Variants in USP34 observed in about 807,000 individuals in gnomAD.
USP34 encodes the protein ubiquitin carboxyl-terminal hydrolase 34.
In USP34, 70 loss-of-function variants were observed where a neutral mutation model predicts 460.3. The observed-to-expected ratio is 0.15, with a 90% CI of 0.13 to 0.19. The LOEUF (loss-of-function observed/expected upper bound fraction) is 0.19. Ranked by LOEUF, USP34 falls within the 10% of genes least tolerant of loss-of-function variation. USP34 has a pLI of 1.00. For synonymous variants in USP34, 1,647 were observed against 1,405.3 expected (o/e 1.17, Z -3.85); for missense variants, 3,985 against 4,236.2 (o/e 0.94, Z 1.65).
intron 69 of USP34, 141 bp downstream of exon 69, chr2:61,211,631 A>T: frequency 2.4e-5 from 21 of 885,082 alleles, no homozygotes; most frequent in Non-Finnish European, 3.3e-5. Context: ...GTTTAAAAGT[A>T]GTTCATGAAC....
chr2:61,418,000 C>T (rs1694248563), intron 2 of USP34, among the ~76,000 whole-genome samples: 2 of 151,810 alleles, frequency 1.3e-5, no homozygotes, highest in African/African-American at 4.8e-5. Context: ...CTGGGCCTCC[C>T]AAAGTGCTGG....
intron 66 of USP34, 97 bp downstream of exon 66, chr2:61,221,405 G>T: frequency 2.7e-6 from 3 of 1,097,400 alleles, no homozygotes; most frequent in Non-Finnish European, 3.9e-6. Context: ...ACCATCTTGG[G>T]GTAATAAGAA....
intron 62 of USP34, among the ~76,000 whole-genome samples, chr2:61,223,936 C>G (rs1205997209): frequency 2.6e-5 from 4 of 152,194 alleles, no homozygotes; most frequent in Admixed American, 2.6e-4. Context: ...AGTCTTGTTT[C>G]ATTTGAACCC....
intron 7 of USP34, among the ~76,000 whole-genome samples, chr2:61,379,217 C>T (rs746147346): frequency 1.3e-5 from 2 of 152,064 alleles, no homozygotes; most frequent in Non-Finnish European, 2.9e-5. Flanking sequence ...CAAAACAAAA[C>T]AAAACAAAAA....
intron 3 of USP34, among the ~76,000 whole-genome samples, chr2:61,395,763 G>A (rs970028574): frequency 8.2e-6 from 1 of 122,120 alleles, no homozygotes; most frequent in Non-Finnish European, 1.6e-5. Context: ...TCCCGCCTGG[G>A]CGACAGAACG....
At chr2:61,282,509 T>G (rs1689564354) in intron 37 of USP34, among the ~76,000 whole-genome samples, 1 of 152,184 alleles carries the variant, frequency 6.6e-6, no homozygotes, top group Non-Finnish European at 1.5e-5. Context: ...AAACACAGGC[T>G]GGGTGCAGCG....
At chr2:61,369,913 A>T (rs1166127341) in intron 10 of USP34, among the ~76,000 whole-genome samples, 1 of 151,790 alleles carries the variant, frequency 6.6e-6, no homozygotes, top group Non-Finnish European at 1.5e-5. Context: ...ATGGGGCAGA[A>T]AGGAAAAACA....
chr2:61,210,928 AG>A (rs992992294), intron 69 of USP34, among the ~76,000 whole-genome samples: 2 of 152,216 alleles, frequency 1.3e-5, no homozygotes, highest in African/African-American at 4.8e-5. Flanking sequence ...TATGTTGCCC[AG>A]GCTGCTCTAA....
intron 41 of USP34, 74 bp downstream of exon 41, chr2:61,278,091 G>T: frequency 1.3e-6 from 2 of 1,550,864 alleles, no homozygotes. Flanking sequence ...GTGTAAAAAC[G>T]GACTAATACA....
rs780958174 is a variant in USP34 at position 61,214,321 on chromosome 2, A to G, written c.8421T>C (p.Asn2807=). 3.7e-6 allele frequency: 6 copies of G among 1,614,270 alleles called. No individual in the cohort carries two copies. The South Asian group carries it at 6.6e-5, about 18-fold the overall frequency. Reference sequence around the variant, plus strand: ...TATTCTCTGGACAGTCAGCACAGACATTGTACCAAAATGAAAGCAAAGCCT... The same window carrying G: ...TATTCTCTGGACAGTCAGCACAGACGTTGTACCAAAATGAAAGCAAAGCCT... The part of the protein sequence containing the change: ...NKQALLSFWY[N]VCADCPENIR... Residue 2807 remains asparagine (N), a synonymous_variant, in exon 68 of 80, where the codon AAT becomes AAC. Transcript: ENST00000398571.
intron 3 of USP34, among the ~76,000 whole-genome samples, chr2:61,400,034 AT>A (rs969127914): frequency 4.0e-5 from 6 of 151,722 alleles, no homozygotes; most frequent in African/African-American, 1.2e-4. Context: ...ATCCCATCCT[AT>A]TTATAGCAGA....
At chr2:61,378,486 C>T in intron 7 of USP34, 62 bp from the exon 8 acceptor site, 1 of 1,008,584 alleles carries the variant, frequency 9.9e-7, no homozygotes, top group Non-Finnish European at 1.5e-6. Flanking sequence ...CATTTGTCAG[C>T]AAATACTAAC....
intron 27 of USP34, among the ~76,000 whole-genome samples, chr2:61,310,342 T>C (rs1018665792): frequency 6.6e-6 from 1 of 152,118 alleles, no homozygotes; most frequent in African/African-American, 2.4e-5. Context: ...ACAATCTAAA[T>C]GTCCATTAAT....
intron 43 of USP34, among the ~76,000 whole-genome samples, chr2:61,264,710 AC>A (rs1410291335): frequency 6.6e-6 from 1 of 152,176 alleles, no homozygotes; most frequent in Non-Finnish European, 1.5e-5. Flanking sequence ...TAAAAGCAGT[AC>A]AAAAGGCAAA....
At chr2:61,188,875 C>T in intron 79 of USP34, 35 bp downstream of exon 79, 2 of 1,611,534 alleles carry the variant, frequency 1.2e-6, no homozygotes, top group East Asian at 2.2e-5. Context: ...CCTCCTCCCA[C>T]CCTAAAGGTA....
At chr2:61,439,758 G>A (rs1040942857) in intron 1 of USP34, among the ~76,000 whole-genome samples, 1 of 152,206 alleles carries the variant, frequency 6.6e-6, no homozygotes, top group African/African-American at 2.4e-5. Context: ...GAGGCAGGAG[G>A]CTGTGGGCAA....
chr2:61,305,533 G>C (rs1484982526), intron 27 of USP34, among the ~76,000 whole-genome samples: 2 of 152,032 alleles, frequency 1.3e-5, no homozygotes, highest in Non-Finnish European at 2.9e-5. Flanking sequence ...CAGTGCCTTA[G>C]AAATCAGCAA....
chr2:61,216,462 TG>T (rs1448869476), intron 67 of USP34, among the ~76,000 whole-genome samples: 2 of 150,858 alleles, frequency 1.3e-5, no homozygotes, highest in Non-Finnish European at 2.9e-5. Context: ...TAGCCAGGCG[TG>T]GTGGTGAGCG....
chr2:61,312,811 C>G (rs1250762974), intron 25 of USP34, among the ~76,000 whole-genome samples: 2 of 152,162 alleles, frequency 1.3e-5, no homozygotes, highest in Non-Finnish European at 2.9e-5. Flanking sequence ...AACATGCTCT[C>G]TTGCTGTGAT....
Sources: gnomAD v4.1 joint callset for allele counts (sites outside exome capture counted in the v4.1 genomes callset) on GRCh38, gnomAD v4.1.1 for gene constraint, MANE v1.5 for transcripts, NCBI Gene and HGNC (gene_info 2026-07-23, HGNC 2026-07-21) for gene names.